GSE1: variants seen among roughly 807,000 people sequenced by gnomAD.
GSE1 encodes Gse1 coiled-coil protein.
A neutral mutation model predicts 112.6 loss-of-function variants in GSE1; 32 were observed. That is an observed-to-expected ratio of 0.28 (90% CI 0.21 to 0.38). GSE1 has a LOEUF of 0.38. Ranked by LOEUF, GSE1 falls within the 10% of genes least tolerant of loss-of-function variation. The pLI is 1.00. For synonymous variants in GSE1, 1,115 were observed against 735.6 expected (o/e 1.52, Z -8.35); for missense variants, 2,348 against 1,699.2 (o/e 1.38, Z -6.71).
At chr16:85,223,785 A>G (rs552809525) in intron 1 of GSE1, among the ~76,000 whole-genome samples, 1 of 151,666 alleles carries the variant, frequency 6.6e-6, no homozygotes, top group Non-Finnish European at 1.5e-5. Flanking sequence ...TTGTATTTTT[A>G]GTGGAGATGG....
At chr16:85,560,993 G>A (rs371593919) in intron 1 of GSE1, among the ~76,000 whole-genome samples, 33 of 152,170 alleles carry the variant, frequency 2.2e-4, no homozygotes, top group African/African-American at 7.2e-4. Context: ...TTAGTCGATC[G>A]TGGTGGTGCC....
intron 2 of GSE1, among the ~76,000 whole-genome samples, chr16:85,383,080 C>A (rs904828950): frequency 6.6e-6 from 1 of 151,882 alleles, no homozygotes; most frequent in Non-Finnish European, 1.5e-5. Context: ...CATGTAATCA[C>A]AGCCTTAGTG....
intron 2 of GSE1, among the ~76,000 whole-genome samples, chr16:85,549,033 C>T (rs180840941): frequency 0.022 from 3,340 of 152,206 alleles, 44 homozygotes; most frequent in South Asian, 0.05. Context: ...ATGATCCGCC[C>T]GCCTCGGCCT....
intron 1 of GSE1, among the ~76,000 whole-genome samples, chr16:85,239,787 A>G (rs1905026695): frequency 6.6e-6 from 1 of 152,190 alleles, no homozygotes; most frequent in African/African-American, 2.4e-5. Context: ...TTCAATAGAA[A>G]TCTCTTCTCC....
intron 2 of GSE1, among the ~76,000 whole-genome samples, chr16:85,443,528 G>A (rs1029047195): frequency 1.4e-4 from 22 of 152,224 alleles, no homozygotes; most frequent in Non-Finnish European, 1.8e-4. Context: ...TTATATAAGC[G>A]TTAACTGTTA....
intron 1 of GSE1, among the ~76,000 whole-genome samples, chr16:85,299,021 C>G (rs1245785488): frequency 6.6e-6 from 1 of 152,202 alleles, no homozygotes; most frequent in Non-Finnish European, 1.5e-5. Context: ...TGCTGGAGGA[C>G]AGGTGTGAGG....
chr16:85,283,174 C>T (rs1356381830), intron 1 of GSE1: 2 of 152,792 alleles, frequency 1.3e-5, no homozygotes, highest in African/African-American at 4.8e-5. Context: ...GATGGCCCAA[C>T]CTGGGAGGTA....
At chr16:85,567,991 T>G (rs2045831088) in intron 1 of GSE1, among the ~76,000 whole-genome samples, 2 of 152,158 alleles carry the variant, frequency 1.3e-5, no homozygotes, top group Non-Finnish European at 2.9e-5. Context: ...CCCAGTGGTG[T>G]TAGGATTACA....
chr16:85,275,300 A>G (rs1909247204), intron 1 of GSE1, among the ~76,000 whole-genome samples: 1 of 152,194 alleles, frequency 6.6e-6, no homozygotes, highest in African/African-American at 2.4e-5. Flanking sequence ...CACCGAAGGA[A>G]GGACAGGACA....
chr16:85,300,449 T>C (rs2045489826), intron 1 of GSE1, among the ~76,000 whole-genome samples: 1 of 152,178 alleles, frequency 6.6e-6, no homozygotes, highest in Non-Finnish European at 1.5e-5. Context: ...TGTCAGCCCC[T>C]GTTCTCCTCC....
chr16:85,563,106 C>T (rs532339865), intron 1 of GSE1, among the ~76,000 whole-genome samples: 6 of 151,844 alleles, frequency 4.0e-5, no homozygotes, highest in African/African-American at 7.3e-5. Context: ...GTAGGGGCAC[C>T]GTGTATTCGA....
At chr16:85,623,210 C>T (rs1363700729) in intron 1 of GSE1, among the ~76,000 whole-genome samples, 2 of 151,366 alleles carry the variant, frequency 1.3e-5, no homozygotes, top group African/African-American at 2.4e-5. Flanking sequence ...GCCCCTTGTC[C>T]ACTCCTTTTT....
At chr16:85,427,851 A>C (rs2049028994) in intron 2 of GSE1, among the ~76,000 whole-genome samples, 1 of 152,214 alleles carries the variant, frequency 6.6e-6, no homozygotes, top group African/African-American at 2.4e-5. Context: ...TAAATAAATA[A>C]TATGTTTTAA....
intron 1 of GSE1, among the ~76,000 whole-genome samples, chr16:85,202,589 A>G (rs1419813244): frequency 6.6e-6 from 1 of 152,142 alleles, no homozygotes; most frequent in Non-Finnish European, 1.5e-5. Context: ...CCCACCCCAC[A>G]CAGGGATGTT....
intron 2 of GSE1, among the ~76,000 whole-genome samples, chr16:85,382,779 ATG>A (rs1468910183): frequency 1.3e-5 from 2 of 151,174 alleles, no homozygotes; most frequent in Middle Eastern, 3.4e-3. Context: ...ACACCCATGC[ATG>A]CACACACACA....
intron 2 of GSE1, among the ~76,000 whole-genome samples, chr16:85,643,136 T>G (rs933100737): frequency 1.3e-5 from 2 of 152,188 alleles, no homozygotes; most frequent in African/African-American, 2.4e-5. Flanking sequence ...TAATTACATC[T>G]GCCCGTGGGC....
intron 2 of GSE1, among the ~76,000 whole-genome samples, chr16:85,404,084 T>G (rs1376818686): frequency 6.6e-6 from 1 of 151,956 alleles, no homozygotes. Flanking sequence ...CAGCTTGTGA[T>G]TGGACACAGG....
At chr16:85,566,943 C>T (rs2045775835) in intron 1 of GSE1, among the ~76,000 whole-genome samples, 2 of 152,150 alleles carry the variant, frequency 1.3e-5, no homozygotes, top group Admixed American at 6.5e-5. Flanking sequence ...TCACGTAGGC[C>T]TCTCACCCGC....
chr16:85,597,557 C>T (rs922261638), intron 1 of GSE1, among the ~76,000 whole-genome samples: 1 of 152,090 alleles, frequency 6.6e-6, no homozygotes, highest in Non-Finnish European at 1.5e-5. Flanking sequence ...GCAGCCTCAA[C>T]CTCCTGGCCT....
Sources: gnomAD v4.1 joint callset for allele counts (sites outside exome capture counted in the v4.1 genomes callset) on GRCh38, gnomAD v4.1.1 for gene constraint, MANE v1.5 for transcripts, NCBI Gene and HGNC (gene_info 2026-07-23, HGNC 2026-07-21) for gene names.